The following SLC39A11 variants were observed in gnomAD, a reference collection of about 807,000 sequenced individuals.
SLC39A11 encodes the protein solute carrier family 39 member 11, also known as zinc transporter ZIP11.
Under a neutral mutation model 36.1 loss-of-function variants are expected in SLC39A11, and 33 were observed. The ratio of observed to expected loss-of-function variants is 0.91; its 90% confidence interval spans 0.69 to 1.22. The LOEUF (loss-of-function observed/expected upper bound fraction) is 1.22. SLC39A11 is among the 50% of genes most tolerant of loss of function. The pLI, the probability that SLC39A11 is intolerant of heterozygous loss-of-function variation, is 0.00. For missense variants in SLC39A11, 432 were observed against 430.3 expected (o/e 1.00, Z -0.03); for synonymous variants, 166 against 170.3 (o/e 0.97, Z 0.20).
At chr17:72,878,678 T>C (rs147408253) in intron 5 of SLC39A11, among the ~76,000 whole-genome samples, 132 of 152,354 alleles carry the variant, frequency 8.7e-4, no homozygotes, top group Non-Finnish European at 1.5e-3. Context: ...AATCCCATAA[T>C]ATTTTTCCCT....
At chr17:72,774,817 G>C (rs1289800542) in intron 6 of SLC39A11, among the ~76,000 whole-genome samples, 1 of 152,162 alleles carries the variant, frequency 6.6e-6, no homozygotes, top group African/African-American at 2.4e-5. Flanking sequence ...ATTTAGGCTA[G>C]ATTGCTTTAC....
At chr17:72,810,668 T>C (rs911162434) in intron 6 of SLC39A11, among the ~76,000 whole-genome samples, 3 of 152,104 alleles carry the variant, frequency 2.0e-5, no homozygotes, top group Non-Finnish European at 4.4e-5. Flanking sequence ...AGTGGTTATA[T>C]GGGATATACA....
At chr17:72,894,974 G>T (rs1240819993) in intron 5 of SLC39A11, among the ~76,000 whole-genome samples, 1 of 152,196 alleles carries the variant, frequency 6.6e-6, no homozygotes, top group East Asian at 1.9e-4. Flanking sequence ...GTAGGGCAGT[G>T]TTCATCCTCC....
At chr17:73,042,169 G>A (rs1209578132) in intron 3 of SLC39A11, among the ~76,000 whole-genome samples, 1 of 152,190 alleles carries the variant, frequency 6.6e-6, no homozygotes, top group Non-Finnish European at 1.5e-5. Context: ...GGGTACAGTT[G>A]AGCATTTCCT....
intron 6 of SLC39A11, among the ~76,000 whole-genome samples, chr17:72,754,851 G>T (rs1325713306): frequency 6.6e-6 from 1 of 152,232 alleles, no homozygotes; most frequent in East Asian, 1.9e-4. Flanking sequence ...GTGTGCACAT[G>T]CAAGCATGCC....
chr17:72,891,733 C>T (rs970253261), intron 5 of SLC39A11, among the ~76,000 whole-genome samples: 1 of 151,814 alleles, frequency 6.6e-6, no homozygotes, highest in Admixed American at 6.6e-5. Context: ...CAGATACATA[C>T]ATATAAGTGC....
chr17:72,775,349 C>T (rs1042949221), intron 6 of SLC39A11, among the ~76,000 whole-genome samples: 17 of 152,142 alleles, frequency 1.1e-4, no homozygotes, highest in African/African-American at 4.1e-4. Context: ...GAAACACACA[C>T]CTGGATTCAG....
intron 6 of SLC39A11, among the ~76,000 whole-genome samples, chr17:72,809,199 T>TTCTCTTTCTCTCTCTCTCTCTC (rs964473693): frequency 9.8e-6 from 1 of 102,202 alleles, no homozygotes; most frequent in African/African-American, 2.7e-5. Context: ...TTTCTTTTCT[T>TTCTCTTTCTCTCTCTCTCTCTC]TCTCTCTCTC....
intron 3 of SLC39A11, among the ~76,000 whole-genome samples, chr17:73,074,098 T>C (rs529983596): frequency 1.3e-3 from 190 of 150,070 alleles, no homozygotes; most frequent in Non-Finnish European, 2.5e-3. Flanking sequence ...CCAGGATCTA[T>C]AGAGGATTTA....
chr17:72,985,761 C>T (rs987389083), intron 4 of SLC39A11, among the ~76,000 whole-genome samples: 3 of 152,140 alleles, frequency 2.0e-5, no homozygotes, highest in African/African-American at 7.2e-5. Flanking sequence ...TTCCTGCAAT[C>T]GATGCCCTAT....
chr17:72,794,852 G>A (rs2076841267), intron 6 of SLC39A11, among the ~76,000 whole-genome samples: 1 of 151,960 alleles, frequency 6.6e-6, no homozygotes, highest in African/African-American at 2.4e-5. Flanking sequence ...AACACACATT[G>A]ACTATCTCAC....
At chr17:72,722,964 A>G (rs568518759) in intron 7 of SLC39A11, among the ~76,000 whole-genome samples, 17 of 152,266 alleles carry the variant, frequency 1.1e-4, no homozygotes, top group African/African-American at 3.6e-4. Flanking sequence ...ATCTCTCATA[A>G]AATAATTCAC....
At chr17:72,673,260 AC>A (rs2071098247) in intron 7 of SLC39A11, among the ~76,000 whole-genome samples, 1 of 152,052 alleles carries the variant, frequency 6.6e-6, no homozygotes, top group Non-Finnish European at 1.5e-5. Flanking sequence ...GTGTGCCACC[AC>A]ACCTGGCTAG....
intron 7 of SLC39A11, among the ~76,000 whole-genome samples, chr17:72,721,640 CATGAT>C (rs367577557): frequency 0.012 from 1,888 of 152,228 alleles, 47 homozygotes; most frequent in African/African-American, 0.043. Flanking sequence ...AGGCCCTTGT[CATGAT>C]GATGCTCTGT....
chr17:72,678,283 T>C (rs932776458), intron 7 of SLC39A11, among the ~76,000 whole-genome samples: 5 of 152,146 alleles, frequency 3.3e-5, no homozygotes, highest in Non-Finnish European at 5.9e-5. Context: ...TGAATCACCA[T>C]TTACAACGTG....
Position 72,663,070 on chromosome 17 carries a change from A to C in SLC39A11, c.672-13802T>G, listed in dbSNP as rs569392990. Among the ~76,000 whole-genome samples, 3 of 152,332 alleles carry C rather than the reference A, an allele frequency of 2.0e-5. No individual in the cohort carries two copies. The South Asian group carries it at 6.2e-4, about 32-fold the overall frequency. The stretch of plus-strand genomic sequence containing the variant: ...TCACAGACACAATTCTGAGTGAGAA[A>C]AACTAGACACAAAATAGTAAGTGTT... On this transcript the variant is annotated intron_variant, in intron 7 of 9. Coordinates refer to ENST00000255559, the MANE Select transcript of SLC39A11 (RefSeq NM_139177.4).
At chr17:72,661,326 C>A (rs918423747) in intron 7 of SLC39A11, among the ~76,000 whole-genome samples, 16 of 152,220 alleles carry the variant, frequency 1.1e-4, no homozygotes, top group Admixed American at 1.0e-3. Context: ...TCGAGGTGCA[C>A]GCTCTCAGGA....
At chr17:73,017,853 T>C (rs903316306) in intron 4 of SLC39A11, among the ~76,000 whole-genome samples, 2 of 152,046 alleles carry the variant, frequency 1.3e-5, no homozygotes, top group Non-Finnish European at 2.9e-5. Context: ...TATCCATGAG[T>C]TGCTGACTAA....
At chr17:72,902,471 G>A (rs563099158) in intron 5 of SLC39A11, among the ~76,000 whole-genome samples, 50 of 152,238 alleles carry the variant, frequency 3.3e-4, no homozygotes, top group Middle Eastern at 6.8e-3. Context: ...CCCTACTGAC[G>A]CCATGATTTC....
Sources: allele counts gnomAD v4.1 joint callset (sites outside exome capture counted in the v4.1 genomes callset), GRCh38; gene constraint gnomAD v4.1.1; transcripts MANE v1.5; gene names NCBI Gene and HGNC (gene_info 2026-07-23, HGNC 2026-07-21).